Variants in PRKCG observed in about 807,000 individuals in gnomAD.
The protein encoded by PRKCG is protein kinase C gamma.
In PRKCG, 28 loss-of-function variants were observed where a neutral mutation model predicts 82.0. The observed-to-expected ratio is 0.34, with a 90% CI of 0.25 to 0.47. The LOEUF (loss-of-function observed/expected upper bound fraction) is 0.47, where lower values mean the gene tolerates loss of function less well. PRKCG is among the 20% of genes least tolerant of loss of function. PRKCG has a pLI of 1.00. For synonymous variants in PRKCG, 383 were observed against 376.6 expected (o/e 1.02, Z -0.20); for missense variants, 640 against 952.7 (o/e 0.67, Z 4.32).
Position 53,892,959 on chromosome 19 carries a change from C to T in PRKCG, c.822-29C>T. On this transcript the variant is annotated intron_variant, in intron 7 of 17. Coordinates refer to ENST00000263431, the MANE Select transcript of PRKCG (RefSeq NM_002739.5). This position sits in a 1 kb window ranked among gnomAD's most constrained non-coding sequence, Gnocchi z 5.9. The stretch of plus-strand genomic sequence containing the variant: ...TCCCATGGGTGCCCCATCCCCGCTG[C>T]CCGCCTCTGGTCTCCGTCTGTATGT... 1 of 1,605,952 alleles carries T rather than the reference C, an allele frequency of 6.2e-7. No individual in the cohort carries two copies.
At position 53,884,353 on chromosome 19, in the gene PRKCG, G is replaced by C; in HGVS notation, c.285+110G>C. 4 of 1,083,796 alleles carry C rather than the reference G, an allele frequency of 3.7e-6. No individual in the cohort carries two copies. Among genetic ancestry groups the C allele is most frequent in the Non-Finnish European group, 5.6e-6 (4 of 713,008 alleles). 67.1% of individuals were successfully genotyped at this position (1,083,796 alleles called of 1,614,324 possible). On this transcript the variant is annotated intron_variant, in intron 3 of 17. Transcript: ENST00000263431. This position sits in a 1 kb window ranked among gnomAD's most constrained non-coding sequence, Gnocchi z 4.6. ...TTTTTATGGCTGGGAGGGGAGGGGG[G>C]CTGGAGAGATAGGGGGAGCTATCTG...
intron 3 of PRKCG, among the ~76,000 whole-genome samples, chr19:53,886,845 C>T (rs2122982100): frequency 6.6e-6 from 1 of 152,354 alleles, no homozygotes; most frequent in Non-Finnish European, 1.5e-5. Context: ...ATTTACCTCT[C>T]TGCACTTGTT....
At chr19:53,897,726 A>G (rs545009599) in intron 9 of PRKCG, among the ~76,000 whole-genome samples, 4 of 142,628 alleles carry the variant, frequency 2.8e-5, no homozygotes, top group African/African-American at 1.1e-4. Flanking sequence ...TAAGCTATCT[A>G]AAAAAAAAAA....
intron 3 of PRKCG, among the ~76,000 whole-genome samples, chr19:53,888,153 G>T (rs536313353): frequency 3.9e-5 from 6 of 152,276 alleles, no homozygotes; most frequent in African/African-American, 1.4e-4. Flanking sequence ...TATTTAGTGC[G>T]GCAGGAACCC....
Position 53,892,596 on chromosome 19 carries a change from C to T in PRKCG, c.774C>T (p.Ala258=), listed in dbSNP as rs1256971256. 1.2e-6 allele frequency: 2 copies of T among 1,613,594 alleles called. No individual in the cohort carries two copies. Among genetic ancestry groups the T allele is most frequent in the Non-Finnish European group, 1.7e-6 (2 of 1,179,994 alleles). Reference sequence around the variant, plus strand: ...CCTCCCGCAACGACTTCATGGGGGCCATGTCCTTTGGCGTCTCGGAGCTGC... The same window carrying T: ...CCTCCCGCAACGACTTCATGGGGGCTATGTCCTTTGGCGTCTCGGAGCTGC... ...DRTSRNDFMG[A]MSFGVSELLK... The change falls in exon 7 of 18, where the codon GCC becomes GCT. Residue 258 remains alanine, a synonymous_variant. Transcript: ENST00000263431. This position sits in a 1 kb window ranked among gnomAD's most constrained non-coding sequence, Gnocchi z 5.9.
chr19:53,900,875 C>T lies in PRKCG; in HGVS notation c.1575+126C>T, dbSNP rs2068758571. On this transcript the variant is annotated intron_variant, in intron 14 of 17. Transcript: ENST00000263431. This position sits in a 1 kb window ranked among gnomAD's most constrained non-coding sequence, Gnocchi z 4.2. ...TGTCATGAGTTGTGGCCTTCTTACA[C>T]AGCCAGTCGTTCCTCCAGCCTCCAG... is the stretch of plus-strand genomic sequence containing the variant. 6.6e-7 allele frequency: 1 copy of T among 1,505,776 alleles called. No homozygotes were observed. Among genetic ancestry groups the T allele is most frequent in the African/African-American group, 1.4e-5 (1 of 72,972 alleles). The allele number at this position is 1,505,776 out of a possible 1,614,324, so 93.3% of individuals were successfully genotyped here. A position where few individuals can be genotyped will look rare whatever the true frequency, so the allele number is the denominator to read the frequency against.
chr19:53,892,974 C>T lies in PRKCG; in HGVS notation c.822-14C>T, dbSNP rs367639661. 165 of 1,613,078 alleles carry T rather than the reference C, an allele frequency of 1.0e-4. No homozygotes were observed. In the Middle Eastern group the frequency reaches 5.0e-3, roughly 48 times the overall value. On this transcript the variant is annotated splice_polypyrimidine_tract_variant and intron_variant, in intron 7 of 17. Transcript: ENST00000263431. This position sits in a 1 kb window ranked among gnomAD's most constrained non-coding sequence, Gnocchi z 5.9. Reference sequence around the variant, plus strand: ...ATCCCCGCTGCCCGCCTCTGGTCTCCGTCTGTATGTCAGGTACAAGTTACT... The same window carrying T: ...ATCCCCGCTGCCCGCCTCTGGTCTCTGTCTGTATGTCAGGTACAAGTTACT...
At chr19:53,906,630 T>G in intron 17 of PRKCG, 77 bp from the exon 18 acceptor site, 3 of 1,567,520 alleles carry the variant, frequency 1.9e-6, no homozygotes, top group Non-Finnish European at 2.6e-6. Context: ...AGACAGGAGA[T>G]GAGACTGGGG....
At chr19:53,899,821 A>G (rs1014273947) in intron 11 of PRKCG, among the ~76,000 whole-genome samples, 3 of 152,162 alleles carry the variant, frequency 2.0e-5, no homozygotes, top group Non-Finnish European at 4.4e-5. Flanking sequence ...TCCTGACCTC[A>G]GGTGATCCAC....
chr19:53,903,453 A>C (rs750447967), intron 15 of PRKCG, among the ~76,000 whole-genome samples: 4 of 152,214 alleles, frequency 2.6e-5, no homozygotes, highest in Non-Finnish European at 4.4e-5. Context: ...CAGAAAACCA[A>C]GGTTCAAATC....
Position 53,900,798 on chromosome 19 carries a change from G to A in PRKCG, c.1575+49G>A. ...GTCACGCTTTGAGATCCCTTAGAGG[G>A]TGTAGCTGATGGTCCAGTATTCACC... On this transcript the variant is annotated intron_variant, in intron 14 of 17. Transcript: ENST00000263431. This position sits in a 1 kb window ranked among gnomAD's most constrained non-coding sequence, Gnocchi z 4.2. 6.2e-7 allele frequency: 1 copy of A among 1,613,264 alleles called. No homozygotes were observed. The highest frequency in any genetic ancestry group is 1.7e-5 in the Admixed American group (1 of 60,016).
intron 8 of PRKCG, 66 bp downstream of exon 8, chr19:53,893,141 C>A: frequency 6.8e-7 from 1 of 1,478,814 alleles, no homozygotes; most frequent in Non-Finnish European, 9.4e-7. Flanking sequence ...GCTGGCCTTT[C>A]CTTCCACCCC....
At position 53,906,915 on chromosome 19, in the gene PRKCG, GTGT is replaced by G; in HGVS notation, c.*21_*23del. 6.2e-7 allele frequency: 1 copy of G among 1,613,210 alleles called. No homozygotes were observed. The highest frequency in any genetic ancestry group is 8.5e-7 in the Non-Finnish European group (1 of 1,179,824). On this transcript the variant is annotated 3_prime_UTR_variant, in exon 18 of 18. Coordinates refer to ENST00000263431, the MANE Select transcript of PRKCG (RefSeq NM_002739.5). Reference sequence around the variant, plus strand: ...ATGTAATCTCACCCGCCGCCACTAGGTGTCCCCAACGTCCCCTCCGCCGTGCCG... The same window carrying G: ...ATGTAATCTCACCCGCCGCCACTAGGCCCCAACGTCCCCTCCGCCGTGCCG...
At chr19:53,904,569 G>C (rs984800411) in intron 15 of PRKCG, 66 bp from the exon 16 acceptor site, 3 of 1,382,182 alleles carry the variant, frequency 2.2e-6, no homozygotes, top group Non-Finnish European at 3.0e-6. Context: ...GGTGAGGAGG[G>C]TGTGGAAGGT....
intron 3 of PRKCG, among the ~76,000 whole-genome samples, chr19:53,885,375 C>T (rs1230387048): frequency 1.3e-5 from 2 of 152,124 alleles, no homozygotes; most frequent in African/African-American, 2.4e-5. Context: ...ACTACAGGCG[C>T]ATGCCACCAC....
chr19:53,891,962 G>A, intron 6 of PRKCG, 132 bp downstream of exon 6: 2 of 1,167,670 alleles, frequency 1.7e-6, no homozygotes, highest in Non-Finnish European at 2.5e-6. Flanking sequence ...AGAAGATGGT[G>A]GGAAAAGGGA....
In PRKCG at chr19:53,900,503, C is replaced by G. The variant is rs1266899116; in HGVS notation, c.1436+22C>G. 6.2e-7 allele frequency: 1 copy of G among 1,614,114 alleles called. No individual in the cohort carries two copies. Among genetic ancestry groups the G allele is most frequent in the East Asian group, 2.2e-5 (1 of 44,872 alleles). On this transcript the variant is annotated intron_variant, in intron 13 of 17. Transcript: ENST00000263431. The surrounding 1 kb of genome is among the most constrained non-coding windows in gnomAD (Gnocchi z 4.2). ...ACAGGTGAGCAGCCCCAGGAATTTC[C>G]GTGGAGGAAATCACGCCCCTGGAAG...
intron 16 of PRKCG, 74 bp downstream of exon 16, chr19:53,904,816 A>T: frequency 8.1e-7 from 1 of 1,230,374 alleles, no homozygotes. Flanking sequence ...TGCCTATTAG[A>T]AAAATGCTCC....
At chr19:53,887,956 C>A (rs576949256) in intron 3 of PRKCG, among the ~76,000 whole-genome samples, 1 of 152,046 alleles carries the variant, frequency 6.6e-6, no homozygotes, top group Non-Finnish European at 1.5e-5. Context: ...AAGGGGCAGG[C>A]GTGGTGAGGC....
Sources: allele counts gnomAD v4.1 joint callset (sites outside exome capture counted in the v4.1 genomes callset), GRCh38; gene constraint gnomAD v4.1.1; non-coding constraint Gnocchi (gnomAD v3.1); transcripts MANE v1.5; gene names NCBI Gene and HGNC (gene_info 2026-07-23, HGNC 2026-07-21).